Variants in MAN1A2 observed in about 807,000 individuals in gnomAD.
The protein encoded by MAN1A2 is mannosidase alpha class 1A member 2, also known as mannosyl-oligosaccharide 1,2-alpha-mannosidase IB.
MAN1A2 carries 26 observed loss-of-function variants against 75.7 expected under a neutral mutation model. That is an observed-to-expected ratio of 0.34 (90% CI 0.25 to 0.48). The LOEUF (loss-of-function observed/expected upper bound fraction) is 0.48, where lower values mean the gene tolerates loss of function less well. MAN1A2 is among the 20% of genes least tolerant of loss of function. MAN1A2 has a pLI of 0.99. For missense variants in MAN1A2, 562 were observed against 775.5 expected (o/e 0.72, Z 3.27); for synonymous variants, 247 against 264.6 (o/e 0.93, Z 0.65).
chr1:117,380,780 A>C (rs1257984904), intron 1 of MAN1A2, among the ~76,000 whole-genome samples: 2 of 152,168 alleles, frequency 1.3e-5, no homozygotes, highest in African/African-American at 4.8e-5. Flanking sequence ...CTTTGTAGTA[A>C]GTTTTGAAAT....
At chr1:117,506,678 G>A (rs188503723) in intron 12 of MAN1A2, among the ~76,000 whole-genome samples, 2 of 151,730 alleles carry the variant, frequency 1.3e-5, no homozygotes, top group East Asian at 3.9e-4. Context: ...GTCTTTTAGA[G>A]AAGAAAGAGT....
At chr1:117,409,729 G>A (rs1433648313) in intron 3 of MAN1A2, among the ~76,000 whole-genome samples, 1 of 151,878 alleles carries the variant, frequency 6.6e-6, no homozygotes, top group East Asian at 1.9e-4. Flanking sequence ...TGTAATTTGA[G>A]GTACTCTTGT....
chr1:117,528,702 TG>T lies in MAN1A2; in HGVS notation c.*5746del, dbSNP rs1652092880. On this transcript the variant is annotated 3_prime_UTR_variant, in exon 13 of 13. Coordinates refer to ENST00000356554, the MANE Select transcript of MAN1A2 (RefSeq NM_006699.5). Reference sequence around the variant, plus strand: ...TCAATATCACTGGTCTCAAATTCATTGATAGAATTTTTTCTTAAACTAATAA... The same window carrying T: ...TCAATATCACTGGTCTCAAATTCATTATAGAATTTTTTCTTAAACTAATAA... 1 of 152,116 alleles carries T rather than the reference TG, an allele frequency of 6.6e-6. No individual in the cohort carries two copies. Among genetic ancestry groups the T allele is most frequent in the Non-Finnish European group, 1.5e-5 (1 of 67,984 alleles). The allele number at this position is 152,116 out of a possible 1,614,324, so 9.4% of individuals were successfully genotyped here.
intron 8 of MAN1A2, among the ~76,000 whole-genome samples, chr1:117,488,368 G>C (rs919661999): frequency 6.6e-6 from 1 of 151,880 alleles, no homozygotes; most frequent in Non-Finnish European, 1.5e-5. Context: ...GCTAATTTTT[G>C]TATTTTTAGT....
chr1:117,522,913 C>T lies in MAN1A2; in HGVS notation c.1882C>T (p.His628Tyr). Residue 628 changes from histidine (H) to tyrosine (Y), a missense_variant, in exon 13 of 13, where the codon CAT becomes TAT. This residue lies in a region of MAN1A2 where 434 missense variants were observed against 645.7 expected (regional missense o/e 0.67). Coordinates refer to ENST00000356554, the MANE Select transcript of MAN1A2 (RefSeq NM_006699.5). ...AGAGGCTCACCCTCTGCCTGTGTTA[C>T]ATTTAGCCAACACCACACTTTCAGG... ...NTEAHPLPVL[H>Y]LANTTLSGNP... 1 of 1,611,844 alleles carries T rather than the reference C, an allele frequency of 6.2e-7. No individual in the cohort carries two copies. The highest frequency in any genetic ancestry group is 8.5e-7 in the Non-Finnish European group (1 of 1,178,568).
intron 1 of MAN1A2, among the ~76,000 whole-genome samples, chr1:117,369,206 C>T (rs1021090380): frequency 1.3e-5 from 2 of 152,084 alleles, no homozygotes; most frequent in Non-Finnish European, 2.9e-5. Context: ...TGTCAAGCAA[C>T]TATTGGAATT....
intron 12 of MAN1A2, among the ~76,000 whole-genome samples, chr1:117,508,486 T>G (rs898782397): frequency 6.6e-6 from 1 of 151,572 alleles, no homozygotes; most frequent in African/African-American, 2.4e-5. Flanking sequence ...ATTCAAACTT[T>G]GAATATAGTA....
intron 8 of MAN1A2, among the ~76,000 whole-genome samples, chr1:117,471,190 G>GC: frequency 6.6e-6 from 1 of 151,816 alleles, no homozygotes; most frequent in East Asian, 1.9e-4. Context: ...GACATGTTAT[G>GC]CCCCTTTGAG....
At chr1:117,437,648 G>A (rs1258807426) in intron 5 of MAN1A2, among the ~76,000 whole-genome samples, 1 of 152,098 alleles carries the variant, frequency 6.6e-6, no homozygotes, top group Non-Finnish European at 1.5e-5. Flanking sequence ...ATGACCTTGT[G>A]AAATACATTA....
chr1:117,394,942 A>T (rs1653860173), intron 1 of MAN1A2, among the ~76,000 whole-genome samples: 1 of 152,196 alleles, frequency 6.6e-6, no homozygotes, highest in Non-Finnish European at 1.5e-5. Context: ...TAGAGAAGGA[A>T]AGAGTGAATA....
intron 8 of MAN1A2, among the ~76,000 whole-genome samples, chr1:117,475,341 G>A (rs1245231047): frequency 6.6e-6 from 1 of 151,460 alleles, no homozygotes; most frequent in Non-Finnish European, 1.5e-5. Flanking sequence ...TTTAGTTTTA[G>A]CCATTTTATT....
chr1:117,402,376 G>T lies in MAN1A2; in HGVS notation c.493G>T (p.Val165Leu). Reference sequence around the variant, plus strand: ...GCCACCAGTCCCTATTCCCAACCTTGTAGGAATACGTGGTGGAGACCCAGA... The same window carrying T: ...GCCACCAGTCCCTATTCCCAACCTTTTAGGAATACGTGGTGGAGACCCAGA... ...PLPPVPIPNL[V>L]GIRGGDPEDN... Residue 165 changes from valine to leucine, a missense_variant, in exon 2 of 13, where the codon GTA (valine) becomes TTA (leucine). Around this residue, in one of 2 missense-constraint regions of MAN1A2, gnomAD observed 434 missense variants for 645.7 expected, o/e 0.67. Coordinates refer to ENST00000356554, the MANE Select transcript of MAN1A2 (RefSeq NM_006699.5). 6.2e-7 allele frequency: 1 copy of T among 1,613,316 alleles called. No homozygotes were observed. The highest frequency in any genetic ancestry group is 8.5e-7 in the Non-Finnish European group (1 of 1,179,464).
intron 3 of MAN1A2, among the ~76,000 whole-genome samples, chr1:117,410,818 A>AC (rs1399708639): frequency 6.6e-6 from 1 of 151,786 alleles, no homozygotes; most frequent in Admixed American, 6.6e-5. Context: ...CTTGCAACAA[A>AC]CAGTTATAAA....
intron 5 of MAN1A2, among the ~76,000 whole-genome samples, chr1:117,422,364 ATATT>A (rs886189743): frequency 7.2e-5 from 11 of 152,188 alleles, no homozygotes; most frequent in Non-Finnish European, 1.5e-4. Flanking sequence ...TGCATTTTAT[ATATT>A]TATCAGTGGA....
chr1:117,414,337 T>C (rs1309942742), intron 3 of MAN1A2, among the ~76,000 whole-genome samples: 3 of 151,726 alleles, frequency 2.0e-5, no homozygotes, highest in African/African-American at 7.2e-5. Flanking sequence ...AGTACTCTCC[T>C]CTTTTCTTGA....
intron 5 of MAN1A2, among the ~76,000 whole-genome samples, chr1:117,441,155 T>TTCA (rs1324562497): frequency 6.6e-6 from 1 of 152,130 alleles, no homozygotes; most frequent in African/African-American, 2.4e-5. Context: ...ACAGAGTGAA[T>TTCA]GAAGGAGAGT....
chr1:117,430,231 G>A (rs1356821761), intron 5 of MAN1A2, among the ~76,000 whole-genome samples: 9 of 119,430 alleles, frequency 7.5e-5, no homozygotes, highest in East Asian at 7.3e-4. Flanking sequence ...CCTCCCTCCC[G>A]GACGGCACGG....
intron 6 of MAN1A2, among the ~76,000 whole-genome samples, chr1:117,457,547 T>G (rs1162798366): frequency 6.6e-6 from 1 of 152,108 alleles, no homozygotes; most frequent in African/African-American, 2.4e-5. Context: ...TGTGACACTA[T>G]GTAAAAAATT....
At chr1:117,502,114 A>T (rs1044363628) in intron 11 of MAN1A2, among the ~76,000 whole-genome samples, 14 of 151,790 alleles carry the variant, frequency 9.2e-5, no homozygotes, top group Non-Finnish European at 1.8e-4. Flanking sequence ...AAAGCACAGT[A>T]GTTAATAATG....
Sources: gnomAD v4.1 joint callset for allele counts (sites outside exome capture counted in the v4.1 genomes callset) on GRCh38, gnomAD v4.1.1 for gene constraint, gnomAD v4.1.1 regional missense constraint, MANE v1.5 for transcripts, NCBI Gene and HGNC (gene_info 2026-07-23, HGNC 2026-07-21) for gene names.